Variants in LEPR observed in about 807,000 individuals in gnomAD.
LEPR encodes OB receptor.
In LEPR, 56 loss-of-function variants were observed where a neutral mutation model predicts 114.7. That is an observed-to-expected ratio of 0.49 (90% CI 0.39 to 0.61). LEPR has a LOEUF of 0.61. Ranked by LOEUF, LEPR falls within the 20% of genes least tolerant of loss-of-function variation. The pLI, the probability that LEPR is intolerant of heterozygous loss-of-function variation, is 0.00. For missense variants in LEPR, 1,202 were observed against 1,352.9 expected (o/e 0.89, Z 1.75); for synonymous variants, 443 against 461.4 (o/e 0.96, Z 0.51).
chr1:65,525,425 C>T (rs998331535), intron 2 of LEPR, among the ~76,000 whole-genome samples: 1 of 152,136 alleles, frequency 6.6e-6, no homozygotes, highest in Non-Finnish European at 1.5e-5. Context: ...GGCAGGGGTC[C>T]TCCCTCCCCA....
chr1:65,626,800 C>A (rs545975644), intron 19 of LEPR, among the ~76,000 whole-genome samples: 4 of 152,012 alleles, frequency 2.6e-5, no homozygotes, highest in Non-Finnish European at 5.9e-5. Context: ...CGTGCCACCA[C>A]GCCCGGCTAA....
chr1:65,522,543 G>A (rs1649685191), intron 2 of LEPR, among the ~76,000 whole-genome samples: 1 of 152,170 alleles, frequency 6.6e-6, no homozygotes, highest in African/African-American at 2.4e-5. Flanking sequence ...AGAGAAAACA[G>A]TTGAGCCGGA....
At chr1:65,617,852 TTGTC>T (rs1570830468) in intron 15 of LEPR, 108 bp from the exon 16 acceptor site, 1 of 1,049,820 alleles carries the variant, frequency 9.5e-7, no homozygotes, top group African/African-American at 1.6e-5. Context: ...TTTGTGTAAA[TTGTC>T]TGTCTTCTCT....
At chr1:65,534,493 G>C (rs1650619505) in intron 2 of LEPR, among the ~76,000 whole-genome samples, 1 of 152,092 alleles carries the variant, frequency 6.6e-6, no homozygotes, top group Admixed American at 6.6e-5. Context: ...TCTAGATACT[G>C]AACAAAATAG....
intron 2 of LEPR, among the ~76,000 whole-genome samples, chr1:65,524,290 G>GAC: frequency 6.6e-6 from 1 of 152,292 alleles, no homozygotes; most frequent in South Asian, 2.1e-4. Flanking sequence ...ATCCAATAGA[G>GAC]ACACCTGTCT....
At chr1:65,620,170 G>A in intron 17 of LEPR, 147 bp downstream of exon 17, 1 of 667,924 alleles carries the variant, frequency 1.5e-6, no homozygotes, top group Non-Finnish European at 2.5e-6. Flanking sequence ...AGGTTCCAAA[G>A]GAAATATTTT....
At chr1:65,423,887 A>G (rs922864739) in intron 1 of LEPR, among the ~76,000 whole-genome samples, 4 of 152,260 alleles carry the variant, frequency 2.6e-5, no homozygotes, top group African/African-American at 9.6e-5. Context: ...GAACATTGCT[A>G]AAATGAGTAG....
chr1:65,637,095 G>C lies in LEPR; in HGVS notation c.*80G>C. The C allele has an allele frequency of 7.0e-7, 1 of 1,430,694 alleles. No individual in the cohort carries two copies. The highest frequency in any genetic ancestry group is 9.6e-7 in the Non-Finnish European group (1 of 1,042,480). The allele number at this position is 1,430,694 out of a possible 1,614,324, so 88.6% of individuals were successfully genotyped here. On this transcript the variant is annotated 3_prime_UTR_variant, in exon 20 of 20. Coordinates refer to ENST00000349533, the MANE Select transcript of LEPR (RefSeq NM_002303.6). ...AGATTATAGTTGTGGGTGGGAGAGA[G>C]AAAAGAAACCAGAGTCAAATTTGAA...
chr1:65,570,259 G>A (rs1654061596), intron 3 of LEPR, among the ~76,000 whole-genome samples: 1 of 152,168 alleles, frequency 6.6e-6, no homozygotes, highest in African/African-American at 2.4e-5. Flanking sequence ...GAAAAGAGAT[G>A]TCAGAAAGTG....
At chr1:65,500,196 G>A (rs1414356550) in intron 2 of LEPR, among the ~76,000 whole-genome samples, 1 of 152,076 alleles carries the variant, frequency 6.6e-6, no homozygotes, top group Non-Finnish European at 1.5e-5. Flanking sequence ...GTGGAACTGT[G>A]AGTCCATTAC....
intron 4 of LEPR, among the ~76,000 whole-genome samples, 172 bp downstream of exon 4, chr1:65,570,974 T>C (rs538185455): frequency 3.9e-5 from 6 of 152,334 alleles, no homozygotes; most frequent in African/African-American, 1.2e-4. Flanking sequence ...CCAAATTATC[T>C]TGTATCCCAT....
At chr1:65,431,785 T>C (rs1251519887) in intron 2 of LEPR, 1 of 1,607,890 alleles carries the variant, frequency 6.2e-7, no homozygotes, top group African/African-American at 1.3e-5. Flanking sequence ...ATTTAATCCT[T>C]CTTTTCTTGT....
chr1:65,514,946 C>A (rs1010306234), intron 2 of LEPR, among the ~76,000 whole-genome samples: 12 of 152,206 alleles, frequency 7.9e-5, no homozygotes, highest in Non-Finnish European at 4.4e-5. Context: ...CATAAGCAAT[C>A]ATTAGATGAA....
intron 2 of LEPR, among the ~76,000 whole-genome samples, chr1:65,505,332 G>A (rs1234821419): frequency 6.6e-6 from 1 of 151,782 alleles, no homozygotes; most frequent in Non-Finnish European, 1.5e-5. Flanking sequence ...TCCTCCAATT[G>A]AAATGAAAAA....
At chr1:65,603,497 T>C (rs577348277) in intron 10 of LEPR, among the ~76,000 whole-genome samples, 1 of 152,338 alleles carries the variant, frequency 6.6e-6, no homozygotes, top group South Asian at 2.1e-4. Flanking sequence ...GAAAGAGTAA[T>C]TGCTACTTCA....
At position 65,609,972 on chromosome 1, in the gene LEPR, C is replaced by T; in HGVS notation, c.1778C>T (p.Ser593Leu). 2 of 1,614,132 alleles carry T rather than the reference C, an allele frequency of 1.2e-6. No individual in the cohort carries two copies. The highest frequency in any genetic ancestry group is 8.5e-7 in the Non-Finnish European group (1 of 1,179,994). Residue 593 changes from serine (S) to leucine (L), a missense_variant, in exon 13 of 20, where the codon TCA becomes TTA. Coordinates refer to ENST00000349533, the MANE Select transcript of LEPR (RefSeq NM_002303.6). ...WKMYEVYDAK[S>L]KSVSLPVPDL... Reference sequence around the variant, plus strand: ...ATGTATGAGGTTTATGATGCAAAATCAAAATCTGTCAGTCTCCCAGTTCCA... The same window carrying T: ...ATGTATGAGGTTTATGATGCAAAATTAAAATCTGTCAGTCTCCCAGTTCCA...
At chr1:65,457,203 A>G (rs1646888390) in intron 2 of LEPR, among the ~76,000 whole-genome samples, 1 of 152,242 alleles carries the variant, frequency 6.6e-6, no homozygotes, top group Non-Finnish European at 1.5e-5. Context: ...ACATAAGCAT[A>G]TATAACCTAA....
chr1:65,462,857 T>C (rs1298515696), intron 2 of LEPR, among the ~76,000 whole-genome samples: 1 of 152,166 alleles, frequency 6.6e-6, no homozygotes, highest in Non-Finnish European at 1.5e-5. Flanking sequence ...TTTGTTTTTT[T>C]CTTATAAATT....
At chr1:65,515,072 G>A (rs6689460) in intron 2 of LEPR, among the ~76,000 whole-genome samples, 2,960 of 152,270 alleles carry the variant, frequency 0.019, 106 homozygotes, top group African/African-American at 0.066. Context: ...GGATCTTGAC[G>A]TATTGGCCAG....
Sources: gnomAD v4.1 joint callset for allele counts (sites outside exome capture counted in the v4.1 genomes callset) on GRCh38, gnomAD v4.1.1 for gene constraint, MANE v1.5 for transcripts, NCBI Gene and HGNC (gene_info 2026-07-23, HGNC 2026-07-21) for gene names.